The following DLG2 variants were observed in gnomAD, a reference collection of about 807,000 sequenced individuals.
DLG2 encodes the protein discs large MAGUK scaffold protein 2, also known as disks large homolog 2.
Under a neutral mutation model 132.5 loss-of-function variants are expected in DLG2, and 45 were observed. The ratio of observed to expected loss-of-function variants is 0.34; its 90% CI spans 0.27 to 0.44. The LOEUF is 0.44. Among genes scored for constraint, DLG2 ranks in the 20% least tolerant of loss-of-function variants. The pLI is 1.00. For missense variants in DLG2, 1,045 were observed against 1,196.9 expected (o/e 0.87, Z 1.87); for synonymous variants, 424 against 419.6 (o/e 1.01, Z -0.13).
At chr11:84,020,807 G>T (rs1016285248) in intron 11 of DLG2, among the ~76,000 whole-genome samples, 1 of 152,138 alleles carries the variant, frequency 6.6e-6, no homozygotes, top group Non-Finnish European at 1.5e-5. Flanking sequence ...AAATTAGAAC[G>T]ATTGCCATTA....
intron 7 of DLG2, among the ~76,000 whole-genome samples, chr11:84,371,348 G>T (rs953708980): frequency 2.2e-4 from 33 of 151,452 alleles, no homozygotes; most frequent in Middle Eastern, 3.4e-3. Context: ...AACCACCCAG[G>T]CTCAGGGGAT....
intron 15 of DLG2, among the ~76,000 whole-genome samples, chr11:83,884,505 C>G (rs924265610): frequency 9.9e-5 from 15 of 152,214 alleles, no homozygotes; most frequent in Admixed American, 5.2e-4. Flanking sequence ...TAGGATCCAC[C>G]TCTGGGGGCA....
chr11:83,512,626 G>C (rs1326738907), intron 21 of DLG2, among the ~76,000 whole-genome samples: 7 of 151,788 alleles, frequency 4.6e-5, no homozygotes, highest in Non-Finnish European at 8.8e-5. Flanking sequence ...TGGTGTGCTG[G>C]ACCAATTAAC....
chr11:85,118,339 T>C (rs2073917292), intron 5 of DLG2, among the ~76,000 whole-genome samples: 1 of 152,076 alleles, frequency 6.6e-6, no homozygotes. Flanking sequence ...TCCTCAACAC[T>C]TTTCAAAATC....
chr11:85,191,154 G>A (rs956602872), intron 4 of DLG2, among the ~76,000 whole-genome samples: 54 of 125,140 alleles, frequency 4.3e-4, no homozygotes, highest in African/African-American at 1.2e-3. Context: ...GCGCGCGCGC[G>A]CACGCGCGCA....
chr11:83,874,255 G>GGAAGGAAAGAAGGAAGGAAGGGGA (rs2064142658), intron 16 of DLG2, among the ~76,000 whole-genome samples, 165 bp downstream of exon 16: 1 of 147,314 alleles, frequency 6.8e-6, no homozygotes, highest in Non-Finnish European at 1.5e-5. Context: ...AGGGAAGGAA[G>GGAAGGAAAGAAGGAAGGAAGGGGA]GAAGGAAAGA....
intron 6 of DLG2, among the ~76,000 whole-genome samples, chr11:84,812,324 C>T (rs76660302): frequency 2.6e-5 from 4 of 152,116 alleles, no homozygotes; most frequent in Non-Finnish European, 4.4e-5. Flanking sequence ...ATACTTGCAC[C>T]TTTATAGGCA....
intron 18 of DLG2, among the ~76,000 whole-genome samples, chr11:83,773,375 TGCTA>T (rs1271928484): frequency 6.6e-6 from 1 of 152,234 alleles, no homozygotes; most frequent in Non-Finnish European, 1.5e-5. Flanking sequence ...CTTATACTTG[TGCTA>T]GCTAATATTT....
chr11:83,825,026 ATTG>A (rs2153986344), intron 17 of DLG2, among the ~76,000 whole-genome samples: 1 of 149,454 alleles, frequency 6.7e-6, no homozygotes, highest in East Asian at 2.0e-4. Context: ...CACAGATTTT[ATTG>A]TTTTTCTTTT....
chr11:85,421,265 T>G (rs546077227), intron 3 of DLG2, among the ~76,000 whole-genome samples: 1 of 152,170 alleles, frequency 6.6e-6, no homozygotes, highest in Non-Finnish European at 1.5e-5. Flanking sequence ...TTGTCCTTTG[T>G]GGGTTGCACC....
At chr11:85,030,848 A>G (rs1389999793) in intron 6 of DLG2, among the ~76,000 whole-genome samples, 1 of 152,020 alleles carries the variant, frequency 6.6e-6, no homozygotes, top group East Asian at 1.9e-4. Flanking sequence ...TCAGTTTAAG[A>G]CAATTTTATT....
At chr11:85,324,621 C>T (rs1017918906) in intron 3 of DLG2, among the ~76,000 whole-genome samples, 5 of 152,100 alleles carry the variant, frequency 3.3e-5, no homozygotes, top group African/African-American at 1.2e-4. Flanking sequence ...TTCTAACATA[C>T]CTGAAAACGG....
chr11:84,153,879 TG>T (rs1244258344), intron 9 of DLG2, among the ~76,000 whole-genome samples: 21 of 152,254 alleles, frequency 1.4e-4, no homozygotes, highest in African/African-American at 4.6e-4. Flanking sequence ...TGCAATTATT[TG>T]GAGGTAAGGA....
chr11:85,603,507 A>T (rs1298322774), intron 2 of DLG2, among the ~76,000 whole-genome samples: 1 of 150,420 alleles, frequency 6.6e-6, no homozygotes, highest in East Asian at 1.9e-4. Flanking sequence ...ACAAGTGCTG[A>T]GCACCTTTTT....
intron 5 of DLG2, among the ~76,000 whole-genome samples, chr11:85,126,640 T>TC (rs2075147123): frequency 6.6e-6 from 1 of 151,830 alleles, no homozygotes; most frequent in African/African-American, 2.4e-5. Flanking sequence ...TGTTCCAATC[T>TC]CCCCCACGTA....
chr11:84,489,434 T>A (rs78047070), intron 7 of DLG2, among the ~76,000 whole-genome samples: 16 of 152,232 alleles, frequency 1.1e-4, no homozygotes, highest in African/African-American at 3.6e-4. Context: ...AACACTCCAT[T>A]CCCTGCTTCC....
intron 7 of DLG2, among the ~76,000 whole-genome samples, chr11:84,264,153 T>C (rs2097582521): frequency 6.6e-6 from 1 of 152,180 alleles, no homozygotes; most frequent in African/African-American, 2.4e-5. Flanking sequence ...GTTCACTAAA[T>C]ACTGCTGGCA....
intron 5 of DLG2, among the ~76,000 whole-genome samples, chr11:85,141,990 A>T (rs1435090931): frequency 6.6e-6 from 1 of 151,884 alleles, no homozygotes. Context: ...AGGTAATGCA[A>T]TTCCTCCAGC....
chr11:85,398,451 A>G (rs2087647814), intron 3 of DLG2, among the ~76,000 whole-genome samples: 1 of 152,164 alleles, frequency 6.6e-6, no homozygotes, highest in African/African-American at 2.4e-5. Flanking sequence ...AAGGAGACAG[A>G]GACACAAAAA....
Sources: gnomAD v4.1 joint callset for allele counts (sites outside exome capture counted in the v4.1 genomes callset) on GRCh38, gnomAD v4.1.1 for gene constraint, MANE v1.5 for transcripts, NCBI Gene and HGNC (gene_info 2026-07-23, HGNC 2026-07-21) for gene names.